Variants in RABGAP1L observed in about 807,000 individuals in gnomAD.
RABGAP1L encodes RAB GTPase activating protein 1 like.
In RABGAP1L, 63 loss-of-function variants were observed where a neutral mutation model predicts 137.7. That is an observed-to-expected ratio of 0.46 (90% confidence interval 0.37 to 0.56). The LOEUF is 0.56. Ranked by LOEUF, RABGAP1L falls within the 20% of genes least tolerant of loss-of-function variation. RABGAP1L has a pLI of 0.00. For synonymous variants in RABGAP1L, 431 were observed against 433.7 expected (o/e 0.99, Z 0.08); for missense variants, 1,095 against 1,244.0 (o/e 0.88, Z 1.80).
chr1:174,821,760 A>C (rs1691048691), intron 19 of RABGAP1L, among the ~76,000 whole-genome samples: 1 of 152,234 alleles, frequency 6.6e-6, no homozygotes, highest in Non-Finnish European at 1.5e-5. Flanking sequence ...GAGGTCCTAC[A>C]GAAGTTTTTG....
intron 19 of RABGAP1L, among the ~76,000 whole-genome samples, chr1:174,883,240 T>TA (rs1478141693): frequency 6.6e-6 from 1 of 152,196 alleles, no homozygotes; most frequent in Non-Finnish European, 1.5e-5. Context: ...CTGAGAGACA[T>TA]AATAGTATTA....
At chr1:174,252,990 T>A (rs1672837232) in intron 7 of RABGAP1L, among the ~76,000 whole-genome samples, 1 of 152,202 alleles carries the variant, frequency 6.6e-6, no homozygotes, top group Admixed American at 6.5e-5. Flanking sequence ...CATATACTTG[T>A]GTGTCAATTC....
chr1:174,944,046 G>A (rs985497771), intron 19 of RABGAP1L, among the ~76,000 whole-genome samples: 6 of 152,052 alleles, frequency 3.9e-5, no homozygotes, highest in African/African-American at 1.4e-4. Context: ...TTAGGTGGGC[G>A]GATCACTTGG....
rs147542925 is a variant in RABGAP1L, at chr1:174,710,880, G to A, written c.2169+8624G>A. 9.5e-3 allele frequency among the ~76,000 whole-genome samples: 1,446 copies of A among 152,314 alleles called. 24 individuals are homozygous for A. Among genetic ancestry groups the A allele is most frequent in the African/African-American group, 0.033 (1,386 of 41,576 alleles). Reference sequence around the variant, plus strand: ...AATTAAAAGACAGACTGGCAAATTGGATAAAGAGTCAAGACCCATTGGTGT... The same window carrying A: ...AATTAAAAGACAGACTGGCAAATTGAATAAAGAGTCAAGACCCATTGGTGT... On this transcript the variant is annotated intron_variant, in intron 17 of 25. Transcript: ENST00000681986.
At chr1:174,390,699 G>C (rs1371319763) in intron 12 of RABGAP1L, among the ~76,000 whole-genome samples, 2 of 152,108 alleles carry the variant, frequency 1.3e-5, no homozygotes, top group East Asian at 3.8e-4. Context: ...ACTTTGTAGA[G>C]GTTGAGAAAA....
chr1:174,326,971 A>AT (rs1007045449), intron 11 of RABGAP1L, among the ~76,000 whole-genome samples: 17 of 152,054 alleles, frequency 1.1e-4, no homozygotes, highest in South Asian at 6.2e-4. Flanking sequence ...CAGTAAAGCT[A>AT]TTTTTTTTAA....
chr1:174,339,800 T>G (rs990860768), intron 11 of RABGAP1L, among the ~76,000 whole-genome samples: 4 of 151,878 alleles, frequency 2.6e-5, no homozygotes, highest in African/African-American at 9.7e-5. Context: ...AGAGATGGGG[T>G]TTTGCTATGT....
intron 23 of RABGAP1L, among the ~76,000 whole-genome samples, chr1:174,981,151 C>G (rs114204250): frequency 0.026 from 3,928 of 152,186 alleles, 162 homozygotes; most frequent in African/African-American, 0.088. Context: ...ATCTGGCAAG[C>G]CCTTGAAATA....
chr1:174,960,152 A>T (rs182564047), intron 20 of RABGAP1L, among the ~76,000 whole-genome samples: 1 of 152,184 alleles, frequency 6.6e-6, no homozygotes, highest in Non-Finnish European at 1.5e-5. Context: ...AGCTTGCCAT[A>T]TGACAAGAGA....
intron 13 of RABGAP1L, among the ~76,000 whole-genome samples, chr1:174,522,841 A>C (rs187844257): frequency 6.6e-6 from 1 of 152,206 alleles, no homozygotes; most frequent in African/African-American, 2.4e-5. Context: ...AGAACTCACT[A>C]TTGTGAGGAT....
At chr1:174,364,654 A>G (rs994490766) in intron 11 of RABGAP1L, among the ~76,000 whole-genome samples, 5 of 152,190 alleles carry the variant, frequency 3.3e-5, no homozygotes, top group African/African-American at 1.2e-4. Context: ...TGCTCATAGT[A>G]GCCACAAATG....
At chr1:174,935,601 G>T (rs1278003618) in intron 19 of RABGAP1L, 1 of 151,930 alleles carries the variant, frequency 6.6e-6, no homozygotes, top group Non-Finnish European at 1.5e-5. Flanking sequence ...CATTTTTGTG[G>T]GATTACCTTA....
intron 19 of RABGAP1L, chr1:174,892,444 T>C (rs942284184): frequency 2.3e-6 from 1 of 433,362 alleles, no homozygotes; most frequent in African/African-American, 2.1e-5. Context: ...AAATTGTTCA[T>C]CAGCGTTATT....
intron 18 of RABGAP1L, among the ~76,000 whole-genome samples, chr1:174,789,509 A>T (rs547462283): frequency 1.3e-5 from 2 of 152,276 alleles, no homozygotes; most frequent in Non-Finnish European, 2.9e-5. Context: ...CTGCCTTGTC[A>T]TAAGAATGTA....
At chr1:174,553,099 T>G (rs1284152531) in intron 13 of RABGAP1L, among the ~76,000 whole-genome samples, 3 of 152,214 alleles carry the variant, frequency 2.0e-5, no homozygotes, top group Non-Finnish European at 4.4e-5. Flanking sequence ...ATAAATTTGT[T>G]TAAGTTCTTT....
chr1:174,637,083 T>A (rs1674109858), intron 13 of RABGAP1L, among the ~76,000 whole-genome samples: 1 of 152,156 alleles, frequency 6.6e-6, no homozygotes, highest in Admixed American at 6.5e-5. Flanking sequence ...AACAGTCTAG[T>A]TTGCTTCAAT....
intron 21 of RABGAP1L, among the ~76,000 whole-genome samples, chr1:174,974,457 T>C (rs1267972621): frequency 2.6e-5 from 4 of 152,186 alleles, no homozygotes; most frequent in Non-Finnish European, 5.9e-5. Context: ...TCTTTTAAAA[T>C]GCCGTACTTT....
At chr1:174,279,329 A>T (rs929901696) in intron 10 of RABGAP1L, among the ~76,000 whole-genome samples, 2 of 152,316 alleles carry the variant, frequency 1.3e-5, no homozygotes, top group Admixed American at 6.5e-5. Flanking sequence ...TAACTTTTGT[A>T]TTATAGCAAA....
At chr1:174,328,577 C>G (rs1486095228) in intron 11 of RABGAP1L, among the ~76,000 whole-genome samples, 1 of 152,116 alleles carries the variant, frequency 6.6e-6, no homozygotes, top group Non-Finnish European at 1.5e-5. Context: ...CAAGATCAGT[C>G]TGGCCAACAC....
Sources: gnomAD v4.1 joint callset for allele counts (sites outside exome capture counted in the v4.1 genomes callset) on GRCh38, gnomAD v4.1.1 for gene constraint, MANE v1.5 for transcripts, NCBI Gene and HGNC (gene_info 2026-07-23, HGNC 2026-07-21) for gene names.